The following NETO1 variants were observed in gnomAD, a reference collection of about 807,000 sequenced individuals.
NETO1 encodes neuropilin and tolloid-like protein 1.
Under a neutral mutation model 61.3 loss-of-function variants are expected in NETO1, and 26 were observed. That is an observed-to-expected ratio of 0.42 (90% CI 0.31 to 0.59). The LOEUF (loss-of-function observed/expected upper bound fraction) is 0.59, where lower values mean the gene tolerates loss of function less well. Among genes scored for constraint, NETO1 ranks in the 20% least tolerant of loss-of-function variants. The pLI is 0.12. For synonymous variants in NETO1, 225 were observed against 225.8 expected, an observed-to-expected ratio of 1.00 and a Z score of 0.03; for missense variants, 531 against 662.8, an observed-to-expected ratio of 0.80 and a Z score of 2.18.
At chr18:72,852,987 C>T (rs1211840189) in intron 4 of NETO1, among the ~76,000 whole-genome samples, 1 of 151,826 alleles carries the variant, frequency 6.6e-6, no homozygotes, top group African/African-American at 2.4e-5. Flanking sequence ...CGCCTGCCAC[C>T]ACGCCCGACT....
intron 3 of NETO1, 133 bp downstream of exon 3, chr18:72,864,675 A>T (rs561292291): frequency 8.7e-7 from 1 of 1,155,202 alleles, no homozygotes; most frequent in South Asian, 1.4e-5. Context: ...TTATTGATTC[A>T]CTCAAGAGAT....
intron 4 of NETO1, among the ~76,000 whole-genome samples, chr18:72,813,968 C>T (rs1402106900): frequency 1.3e-5 from 2 of 151,830 alleles, no homozygotes; most frequent in Non-Finnish European, 2.9e-5. Context: ...AGGTTGATAC[C>T]TGATTTCAGT....
At chr18:72,804,206 A>G (rs1164770180) in intron 4 of NETO1, among the ~76,000 whole-genome samples, 1 of 152,188 alleles carries the variant, frequency 6.6e-6, no homozygotes, top group African/African-American at 2.4e-5. Context: ...AAGCATTTTG[A>G]GTTCTTCAAT....
intron 4 of NETO1, among the ~76,000 whole-genome samples, chr18:72,845,817 T>G (rs1338323264): frequency 6.6e-6 from 1 of 151,984 alleles, no homozygotes; most frequent in African/African-American, 2.4e-5. Context: ...ATCACATGTT[T>G]ATAATCATAT....
intron 4 of NETO1, among the ~76,000 whole-genome samples, chr18:72,839,938 T>C (rs2073874591): frequency 6.6e-6 from 1 of 152,238 alleles, no homozygotes; most frequent in Non-Finnish European, 1.5e-5. Context: ...AGGTACTCAA[T>C]GAACATCCAG....
intron 4 of NETO1, among the ~76,000 whole-genome samples, chr18:72,814,337 G>T (rs1308546900): frequency 6.6e-6 from 1 of 152,048 alleles, no homozygotes; most frequent in Non-Finnish European, 1.5e-5. Context: ...TTTGAGAAGA[G>T]AATGTATATG....
intron 4 of NETO1, among the ~76,000 whole-genome samples, chr18:72,845,600 T>C (rs2074058751): frequency 6.6e-6 from 1 of 152,220 alleles, no homozygotes; most frequent in Non-Finnish European, 1.5e-5. Flanking sequence ...CATATTTTAA[T>C]GGCAAAACTC....
At chr18:72,811,758 T>TCGTA (rs1429187622) in intron 4 of NETO1, among the ~76,000 whole-genome samples, 1 of 152,154 alleles carries the variant, frequency 6.6e-6, no homozygotes, top group African/African-American at 2.4e-5. Context: ...AAAGCTGTGA[T>TCGTA]CGTACCACCT....
intron 4 of NETO1, among the ~76,000 whole-genome samples, chr18:72,858,371 A>G (rs1428287448): frequency 6.6e-6 from 1 of 152,202 alleles, no homozygotes; most frequent in African/African-American, 2.4e-5. Context: ...AGAGCAGACT[A>G]CTTCCTAAAG....
chr18:72,846,022 A>C (rs961433653), intron 4 of NETO1, among the ~76,000 whole-genome samples: 1 of 152,124 alleles, frequency 6.6e-6, no homozygotes. Context: ...TAATCACTAC[A>C]TATCTCCTAC....
In NETO1 at chr18:72,816,912, A is replaced by C. The variant is rs566769487; in HGVS notation, c.470-22508T>G. ...TAAGGATGATGGCTACAAGACTCTA[A>C]GATGATGTCGTGATGAGAAGACACT... On this transcript the variant is annotated intron_variant, in intron 4 of 10. Transcript: ENST00000327305. Among the ~76,000 whole-genome samples the C allele has an allele frequency of 5.1e-4, 78 of 152,284 alleles. 1 individual carries two copies. The highest frequency in any genetic ancestry group is 1.5e-3 in the Admixed American group (23 of 15,308).
At chr18:72,810,819 C>T (rs1455839690) in intron 4 of NETO1, among the ~76,000 whole-genome samples, 1 of 152,106 alleles carries the variant, frequency 6.6e-6, no homozygotes, top group Non-Finnish European at 1.5e-5. Flanking sequence ...TCTGCAGCAA[C>T]ATAAATCAAT....
At chr18:72,847,435 C>G (rs1347893981) in intron 4 of NETO1, among the ~76,000 whole-genome samples, 1 of 152,178 alleles carries the variant, frequency 6.6e-6, no homozygotes, top group Non-Finnish European at 1.5e-5. Context: ...GACAGCATAG[C>G]TCTTTTGAAG....
chr18:72,788,967 A>C (rs911991624), intron 6 of NETO1, among the ~76,000 whole-genome samples: 3 of 152,148 alleles, frequency 2.0e-5, no homozygotes, highest in African/African-American at 7.2e-5. Flanking sequence ...AGTAAAAATT[A>C]AATCTGTCAC....
At chr18:72,764,505 T>C (rs943981199) in intron 7 of NETO1, among the ~76,000 whole-genome samples, 2 of 152,132 alleles carry the variant, frequency 1.3e-5, no homozygotes, top group African/African-American at 4.8e-5. Flanking sequence ...CCCCTGTAGC[T>C]GAGCCCCCTG....
intron 9 of NETO1, among the ~76,000 whole-genome samples, chr18:72,749,758 A>T (rs2070529360): frequency 6.6e-6 from 1 of 152,164 alleles, no homozygotes; most frequent in East Asian, 1.9e-4. Flanking sequence ...ATAAATCTGT[A>T]TTATAAATTA....
chr18:72,786,431 T>G (rs559084347), intron 6 of NETO1, among the ~76,000 whole-genome samples: 2 of 152,278 alleles, frequency 1.3e-5, no homozygotes, highest in East Asian at 3.9e-4. Context: ...TGGAAAGCAC[T>G]TGAGTTGTAG....
At chr18:72,815,710 A>G (rs1476547706) in intron 4 of NETO1, among the ~76,000 whole-genome samples, 1 of 152,200 alleles carries the variant, frequency 6.6e-6, no homozygotes, top group African/African-American at 2.4e-5. Flanking sequence ...ACACTAGTGG[A>G]CATTACTGCA....
chr18:72,830,886 A>T lies in NETO1; in HGVS notation c.469+27940T>A, dbSNP rs972553331. 6.6e-6 allele frequency among the ~76,000 whole-genome samples: 1 copy of T among 152,114 alleles called. No individual in the cohort carries two copies. On this transcript the variant is annotated intron_variant, in intron 4 of 10. Coordinates refer to ENST00000327305, the MANE Select transcript of NETO1 (RefSeq NM_138966.5). This position sits in a 1 kb window ranked among gnomAD's most constrained non-coding sequence, Gnocchi z 4.9. ...TTATCCCCTATTTTCTTCTCTGAAC[A>T]TTGAGTTTTCATTTACCACTGCAGG...
Sources: gnomAD v4.1 joint callset for allele counts (sites outside exome capture counted in the v4.1 genomes callset) on GRCh38, gnomAD v4.1.1 for gene constraint, Gnocchi (gnomAD v3.1) non-coding constraint, MANE v1.5 for transcripts, NCBI Gene and HGNC (gene_info 2026-07-23, HGNC 2026-07-21) for gene names.